The following CPD variants were observed in gnomAD, a reference collection of about 807,000 sequenced individuals.
The protein encoded by CPD is metallocarboxypeptidase D.
CPD carries 69 observed loss-of-function variants against 138.3 expected under a neutral mutation model. That is an observed-to-expected ratio of 0.50 (90% CI 0.41 to 0.61). The LOEUF (loss-of-function observed/expected upper bound fraction) is 0.61. Among genes scored for constraint, CPD ranks in the 20% least tolerant of loss-of-function variants. CPD has a pLI of 0.00. For synonymous variants in CPD, 651 were observed against 642.1 expected, an observed-to-expected ratio of 1.01 and a Z score of -0.21; for missense variants, 1,432 against 1,733.3, an observed-to-expected ratio of 0.83 and a Z score of 3.09.
chr17:30,461,343 T>G (rs369609089), intron 18 of CPD, 32 bp downstream of exon 18: 52 of 1,513,498 alleles, frequency 3.4e-5, no homozygotes, highest in Admixed American at 6.3e-5. Context: ...AGAGGCAAAC[T>G]CCCAGGAATA....
Position 30,379,856 on chromosome 17 carries a change from G to T in CPD, c.746+130G>T. 1.6e-6 allele frequency: 1 copy of T among 613,884 alleles called. No individual in the cohort carries two copies. The highest frequency in any genetic ancestry group is 3.5e-5 in the East Asian group (1 of 28,954). The allele number at this position is 613,884 out of a possible 1,614,324, so 38.0% of individuals were successfully genotyped here. ...TGGTGAAGGTGAAGGGAGACACCCT[G>T]TAACGGGGACAGGGCCCAGGCCGCG... On this transcript the variant is annotated intron_variant, in intron 1 of 20. Coordinates refer to ENST00000225719, the MANE Select transcript of CPD (RefSeq NM_001304.5). The surrounding 1 kb of genome is among the most constrained non-coding windows in gnomAD (Gnocchi z 7.0).
chr17:30,423,449 G>A, intron 5 of CPD, 57 bp from the exon 6 acceptor site: 1 of 1,284,904 alleles, frequency 7.8e-7, no homozygotes, highest in East Asian at 2.6e-5. Flanking sequence ...GAAAAAAACT[G>A]AGTCCATGAT....
intron 8 of CPD, among the ~76,000 whole-genome samples, chr17:30,436,321 TAAATA>T (rs1248902090): frequency 6.6e-6 from 1 of 152,036 alleles, no homozygotes; most frequent in Non-Finnish European, 1.5e-5. Flanking sequence ...CCCCAAAAAA[TAAATA>T]AATAGATGAC....
chr17:30,401,250 TCTC>T (rs1273919690), intron 2 of CPD, among the ~76,000 whole-genome samples: 2 of 49,594 alleles, frequency 4.0e-5, no homozygotes, highest in Non-Finnish European at 9.8e-5. Context: ...TGCTGCTTCT[TCTC>T]CTTCTCCTTC....
intron 2 of CPD, among the ~76,000 whole-genome samples, chr17:30,402,001 A>G (rs1911686175): frequency 1.3e-5 from 2 of 150,082 alleles, no homozygotes; most frequent in Admixed American, 6.6e-5. Context: ...CTCCAGTGAT[A>G]ACAATAGTAG....
intron 2 of CPD, among the ~76,000 whole-genome samples, chr17:30,385,528 A>G (rs1356779451): frequency 5.0e-5 from 7 of 140,752 alleles, no homozygotes; most frequent in Admixed American, 4.8e-4. Context: ...ACACACACAC[A>G]CACAATCACA....
chr17:30,428,287 G>A (rs1015709698), intron 7 of CPD, among the ~76,000 whole-genome samples: 7 of 152,148 alleles, frequency 4.6e-5, no homozygotes, highest in Admixed American at 2.0e-4. Flanking sequence ...GAAGATATCA[G>A]TACCCAAGAG....
chr17:30,420,705 T>C, intron 2 of CPD, 136 bp from the exon 3 acceptor site: 1 of 699,898 alleles, frequency 1.4e-6, no homozygotes, highest in East Asian at 2.7e-5. Context: ...TTCAGATGCC[T>C]TCTCCAATTT....
In CPD at chr17:30,425,983, G is replaced by A. The variant is rs565036892; in HGVS notation, c.1850-1408G>A. On this transcript the variant is annotated intron_variant, in intron 6 of 20. Coordinates refer to ENST00000225719, the MANE Select transcript of CPD (RefSeq NM_001304.5). ...TGGGAGGCCAAGGTGGGTGGATCAC[G>A]AGGTCAGGAGTTCGAGACCAGCCTG... Among the ~76,000 whole-genome samples the A allele has an allele frequency of 2.6e-5, 4 of 152,096 alleles. No homozygotes were observed. In the East Asian group the frequency reaches 5.8e-4, roughly 22 times the overall value.
chr17:30,424,725 G>T (rs1267350256), intron 6 of CPD, among the ~76,000 whole-genome samples: 1 of 152,156 alleles, frequency 6.6e-6, no homozygotes, highest in Non-Finnish European at 1.5e-5. Flanking sequence ...CTCTCCTGGG[G>T]CGTTATAGTG....
intron 2 of CPD, among the ~76,000 whole-genome samples, chr17:30,401,965 G>A (rs1416908006): frequency 3.4e-5 from 5 of 148,842 alleles, no homozygotes; most frequent in Admixed American, 6.7e-5. Flanking sequence ...AAATAGCATG[G>A]CGCCATTTTT....
At chr17:30,407,633 C>CCTTT (rs1911840200) in intron 2 of CPD, among the ~76,000 whole-genome samples, 1 of 152,108 alleles carries the variant, frequency 6.6e-6, no homozygotes, top group East Asian at 1.9e-4. Context: ...AGTGTCTGTT[C>CCTTT]CTTTCCTTTG....
At chr17:30,404,444 T>C (rs1183184576) in intron 2 of CPD, among the ~76,000 whole-genome samples, 2 of 152,170 alleles carry the variant, frequency 1.3e-5, no homozygotes, top group African/African-American at 2.4e-5. Flanking sequence ...ACAATAAATA[T>C]ATGCCTGCAG....
chr17:30,456,160 T>C (rs1453521908), intron 15 of CPD, 96 bp from the exon 16 acceptor site: 5 of 906,530 alleles, frequency 5.5e-6, no homozygotes, highest in African/African-American at 1.7e-5. Context: ...GCAAAATTTA[T>C]TAGGAGAAAA....
intron 8 of CPD, among the ~76,000 whole-genome samples, chr17:30,437,590 T>A (rs1912736080): frequency 6.6e-6 from 1 of 151,780 alleles, no homozygotes; most frequent in African/African-American, 2.4e-5. Flanking sequence ...GAGGGTGAGG[T>A]GGAAGGATCA....
chr17:30,428,111 C>T (rs978959985), intron 7 of CPD, among the ~76,000 whole-genome samples: 5 of 152,134 alleles, frequency 3.3e-5, no homozygotes, highest in Non-Finnish European at 7.4e-5. Flanking sequence ...TTTTGATATT[C>T]TCTTTTTTAC....
chr17:30,417,775 T>G (rs1228146024), intron 2 of CPD, among the ~76,000 whole-genome samples: 4 of 152,222 alleles, frequency 2.6e-5, no homozygotes, highest in Non-Finnish European at 5.9e-5. Context: ...CATACTGTCT[T>G]CTATTCATCA....
In CPD at chr17:30,379,663, A is replaced by G; in HGVS notation, c.683A>G (p.Glu228Gly). The G allele has an allele frequency of 1.3e-6, 2 of 1,524,510 alleles. No individual in the cohort carries two copies. The highest frequency in any genetic ancestry group is 1.5e-5 in the African/African-American group (1 of 68,284). 94.4% of individuals were successfully genotyped at this position (1,524,510 alleles called of 1,614,324 possible). A position where few individuals can be genotyped will look rare whatever the true frequency, so the allele number is the denominator to read the frequency against. ...TTTCCCGACCAGTTTAGCACCGGCG[A>G]ACCCCCCGCCCTGGACGAGGTGCCC... ...RSFPDQFSTGEPPALDEVPEV... is the reference protein window; with the variant it reads ...RSFPDQFSTGGPPALDEVPEV... Residue 228 changes from glutamate (E) to glycine (G), a missense_variant, in exon 1 of 21, where the codon GAA becomes GGA. Coordinates refer to ENST00000225719, the MANE Select transcript of CPD (RefSeq NM_001304.5). This position sits in a 1 kb window ranked among gnomAD's most constrained non-coding sequence, Gnocchi z 7.0.
intron 2 of CPD, among the ~76,000 whole-genome samples, chr17:30,395,483 T>C (rs1377160739): frequency 6.6e-6 from 1 of 152,066 alleles, no homozygotes; most frequent in Non-Finnish European, 1.5e-5. Flanking sequence ...AAACAGAATA[T>C]TTGCTTGGAG....
Sources: allele counts gnomAD v4.1 joint callset (sites outside exome capture counted in the v4.1 genomes callset), GRCh38; gene constraint gnomAD v4.1.1; non-coding constraint Gnocchi (gnomAD v3.1); transcripts MANE v1.5; gene names NCBI Gene and HGNC (gene_info 2026-07-23, HGNC 2026-07-21).